The following LHFPL6 variants were observed in gnomAD, a reference collection of about 807,000 sequenced individuals.
The protein encoded by LHFPL6 is LHFPL tetraspan subfamily member 6 protein.
Under a neutral mutation model 20.6 loss-of-function variants are expected in LHFPL6, and 9 were observed. That is an observed-to-expected ratio of 0.44 (90% confidence interval 0.26 to 0.76). The LOEUF is 0.76. Among genes scored for constraint, LHFPL6 ranks in the 30% least tolerant of loss-of-function variants. The pLI is 0.20. For synonymous variants in LHFPL6, 105 were observed against 98.7 expected (o/e 1.06, Z -0.38); for missense variants, 218 against 253.5 (o/e 0.86, Z 0.95).
intron 2 of LHFPL6, among the ~76,000 whole-genome samples, chr13:39,515,019 C>A (rs923327016): frequency 6.6e-6 from 1 of 152,232 alleles, no homozygotes; most frequent in Non-Finnish European, 1.5e-5. Context: ...CCTACACATT[C>A]CTTTGAGGAC....
intron 2 of LHFPL6, among the ~76,000 whole-genome samples, chr13:39,559,681 C>A (rs187463141): frequency 1.4e-3 from 217 of 152,220 alleles, no homozygotes; most frequent in Non-Finnish European, 2.5e-3. Flanking sequence ...TCTAGAAGAA[C>A]GGGTGAAAAG....
At chr13:39,391,427 G>A (rs1319305804) in intron 2 of LHFPL6, among the ~76,000 whole-genome samples, 6 of 152,048 alleles carry the variant, frequency 3.9e-5, no homozygotes, top group African/African-American at 1.2e-4. Context: ...CAGTTAAGAA[G>A]GAATAAAATC....
At chr13:39,586,324 CAGTT>C (rs1334799689) in intron 2 of LHFPL6, among the ~76,000 whole-genome samples, 1 of 152,132 alleles carries the variant, frequency 6.6e-6, no homozygotes, top group African/African-American at 2.4e-5. Context: ...GTGTGCTGGA[CAGTT>C]AGTAACACAT....
intron 2 of LHFPL6, among the ~76,000 whole-genome samples, chr13:39,526,352 T>C (rs1487879826): frequency 2.0e-5 from 3 of 151,974 alleles, no homozygotes; most frequent in Non-Finnish European, 4.4e-5. Context: ...ATGGCAGGGG[T>C]TGGAGGGAGA....
chr13:39,397,756 G>T (rs1870880064), intron 2 of LHFPL6, among the ~76,000 whole-genome samples: 1 of 152,140 alleles, frequency 6.6e-6, no homozygotes, highest in Admixed American at 6.6e-5. Flanking sequence ...AAAGAAACTT[G>T]TTCCGGGAGC....
intron 2 of LHFPL6, among the ~76,000 whole-genome samples, chr13:39,555,064 T>C (rs887047266): frequency 1.3e-5 from 2 of 152,176 alleles, no homozygotes; most frequent in African/African-American, 4.8e-5. Flanking sequence ...TTATCAAAAA[T>C]AAAAGATTAC....
intron 2 of LHFPL6, among the ~76,000 whole-genome samples, chr13:39,545,202 C>A (rs1042170949): frequency 7.2e-6 from 1 of 139,406 alleles, no homozygotes; most frequent in Non-Finnish European, 1.5e-5. Flanking sequence ...GCCGAGATCA[C>A]ACCACTGCAC....
intron 2 of LHFPL6, among the ~76,000 whole-genome samples, chr13:39,510,707 T>C (rs1389128526): frequency 1.3e-5 from 2 of 152,058 alleles, no homozygotes; most frequent in Non-Finnish European, 2.9e-5. Context: ...ACTAGCTAAA[T>C]GGAAATATTA....
At chr13:39,465,177 A>T (rs1310094725) in intron 2 of LHFPL6, among the ~76,000 whole-genome samples, 1 of 152,222 alleles carries the variant, frequency 6.6e-6, no homozygotes, top group African/African-American at 2.4e-5. Context: ...GAAACCACAA[A>T]GAGAAAATGC....
chr13:39,544,136 C>A (rs1261052118), intron 2 of LHFPL6, among the ~76,000 whole-genome samples: 1 of 151,954 alleles, frequency 6.6e-6, no homozygotes. Context: ...TGTCTAAAAA[C>A]TTAAAGAATG....
intron 2 of LHFPL6, among the ~76,000 whole-genome samples, chr13:39,578,525 A>G (rs1190607744): frequency 6.6e-6 from 1 of 152,210 alleles, no homozygotes; most frequent in African/African-American, 2.4e-5. Context: ...AGTGATGGAC[A>G]CAAGAAGTGA....
At chr13:39,576,757 C>T (rs1872128752) in intron 2 of LHFPL6, among the ~76,000 whole-genome samples, 1 of 152,148 alleles carries the variant, frequency 6.6e-6, no homozygotes, top group South Asian at 2.1e-4. Context: ...ACTCGGCCTC[C>T]TGAGTAGCTA....
chr13:39,593,985 A>C (rs1262480148), intron 2 of LHFPL6, among the ~76,000 whole-genome samples: 3 of 152,194 alleles, frequency 2.0e-5, no homozygotes, highest in Non-Finnish European at 4.4e-5. Context: ...TTAAAGACTT[A>C]AACGTTAGAC....
chr13:39,388,627 C>T (rs1173838585), intron 2 of LHFPL6, among the ~76,000 whole-genome samples: 1 of 152,078 alleles, frequency 6.6e-6, no homozygotes, highest in Non-Finnish European at 1.5e-5. Flanking sequence ...GAGGTAACAC[C>T]TTGAACATTT....
intron 2 of LHFPL6, among the ~76,000 whole-genome samples, chr13:39,600,594 G>A (rs1243345260): frequency 1.3e-5 from 2 of 152,196 alleles, no homozygotes; most frequent in Non-Finnish European, 2.9e-5. Flanking sequence ...GTTTCACATA[G>A]GTGGCACTTA....
intron 2 of LHFPL6, among the ~76,000 whole-genome samples, chr13:39,479,032 GATATAGATAGAT>G (rs1238921242): frequency 6.5e-5 from 8 of 123,030 alleles, no homozygotes; most frequent in African/African-American, 2.4e-4. Context: ...ATGGGAGATA[GATATAGATAGAT>G]AGATAGATAG....
At chr13:39,408,205 T>G (rs9566427) in intron 2 of LHFPL6, among the ~76,000 whole-genome samples, 41,805 of 152,114 alleles carry the variant, frequency 0.27, 6,075 homozygotes, top group East Asian at 0.4. Flanking sequence ...GAGTTTAATG[T>G]AAATTTATTA....
intron 2 of LHFPL6, among the ~76,000 whole-genome samples, chr13:39,538,650 T>C (rs151138827): frequency 5.9e-5 from 9 of 151,984 alleles, no homozygotes; most frequent in African/African-American, 2.2e-4. Context: ...CTGAATTAGA[T>C]CCTGACTTGG....
At chr13:39,574,539 A>G (rs1487558981) in intron 2 of LHFPL6, among the ~76,000 whole-genome samples, 1 of 152,158 alleles carries the variant, frequency 6.6e-6, no homozygotes, top group Non-Finnish European at 1.5e-5. Context: ...GTGTGTAAAT[A>G]ATAGGTCATA....
Sources: gnomAD v4.1 joint callset for allele counts (sites outside exome capture counted in the v4.1 genomes callset) on GRCh38, gnomAD v4.1.1 for gene constraint, MANE v1.5 for transcripts, NCBI Gene and HGNC (gene_info 2026-07-23, HGNC 2026-07-21) for gene names.